ANKRD55: variants seen among roughly 807,000 people sequenced by gnomAD.
ANKRD55 encodes the protein ankyrin repeat domain 55.
In ANKRD55, 41 loss-of-function variants were observed where a neutral mutation model predicts 60.6. The observed-to-expected ratio is 0.68, with a 90% CI of 0.53 to 0.88. ANKRD55 has a LOEUF of 0.88. Among genes scored for constraint, ANKRD55 ranks in the 40% least tolerant of loss-of-function variants. The pLI is 0.00. For synonymous variants in ANKRD55, 264 were observed against 290.3 expected, an observed-to-expected ratio of 0.91 and a Z score of 0.92; for missense variants, 732 against 767.6, an observed-to-expected ratio of 0.95 and a Z score of 0.55.
At chr5:56,166,153 TCTTCTTTCCTTCCTTC>T (rs1280687909) in intron 5 of ANKRD55, among the ~76,000 whole-genome samples, 1 of 49,504 alleles carries the variant, frequency 2.0e-5, no homozygotes, top group Non-Finnish European at 4.1e-5. Context: ...TTTCTTTCTT[TCTTCTTTCCTTCCTTC>T]CTTCCTTCCT....
At position 56,099,772 on chromosome 5, in the gene ANKRD55, G is replaced by GTT. The variant is rs572374829; in HGVS notation, c.*409_*410dup. On this transcript the variant is annotated 3_prime_UTR_variant, in exon 12 of 12. Transcript: ENST00000341048. Reference sequence around the variant, plus strand: ...TGAAGACATGTTTGTCTGGGATGTGGTTTTTTTTTTGTTTTGTTTTTTGCT... The same window carrying GTT: ...TGAAGACATGTTTGTCTGGGATGTGGTTTTTTTTTTTTGTTTTGTTTTTTGCT... 6 of 152,396 alleles carry GTT rather than the reference G, an allele frequency of 3.9e-5. No individual in the cohort carries two copies. The highest frequency in any genetic ancestry group is 1.0e-4 in the African/African-American group (4 of 40,158). 9.4% of individuals were successfully genotyped at this position (152,396 alleles called of 1,614,324 possible).
chr5:56,218,384 G>A (rs906640837), intron 2 of ANKRD55, among the ~76,000 whole-genome samples: 2 of 151,944 alleles, frequency 1.3e-5, no homozygotes, highest in Non-Finnish European at 2.9e-5. Context: ...CTTTATTTTT[G>A]TCTTATTTTA....
rs201953656 is a variant in ANKRD55 at position 56,170,833 on chromosome 5, A to G, written c.313-30T>C. ...AATACAAGAGCAACCACATCATTATATAACAGAAGCTCACGTAACATGGTC... is the reference window on the plus strand; with the variant it reads ...AATACAAGAGCAACCACATCATTATGTAACAGAAGCTCACGTAACATGGTC... On this transcript the variant is annotated intron_variant, in intron 4 of 11. Coordinates refer to ENST00000341048, the MANE Select transcript of ANKRD55 (RefSeq NM_024669.3). 830 of 1,592,572 alleles carry G rather than the reference A, an allele frequency of 5.2e-4. 3 individuals carry two copies. Among genetic ancestry groups the G allele is most frequent in the South Asian group, 2.1e-3 (192 of 90,476 alleles).
rs371313931 is a variant in ANKRD55 at position 56,121,618 on chromosome 5, G to A, written c.798-4836C>T. Among the ~76,000 whole-genome samples, 31 of 151,864 alleles carry A rather than the reference G, an allele frequency of 2.0e-4. No individual in the cohort carries two copies. The East Asian group carries it at 2.9e-3, about 14-fold the overall frequency. ...GATCTCCTGACCTCGTGATCCACCC[G>A]CCTGGGCCTCCCAAAGTGCTGGGAT... On this transcript the variant is annotated intron_variant, in intron 8 of 11. Coordinates refer to ENST00000341048, the MANE Select transcript of ANKRD55 (RefSeq NM_024669.3).
chr5:56,184,617 G>T (rs543649285), intron 2 of ANKRD55, among the ~76,000 whole-genome samples: 33 of 152,290 alleles, frequency 2.2e-4, no homozygotes, highest in Admixed American at 1.1e-3. Context: ...GCAACATCAG[G>T]CCAGGCATGA....
chr5:56,170,161 C>CTCCT (rs1418258647), intron 5 of ANKRD55, among the ~76,000 whole-genome samples: 1 of 152,206 alleles, frequency 6.6e-6, no homozygotes, highest in African/African-American at 2.4e-5. Context: ...TAGAGGCTGG[C>CTCCT]ATGGCCCTGG....
At chr5:56,223,147 A>C (rs160005) in intron 2 of ANKRD55, among the ~76,000 whole-genome samples, 54,148 of 151,748 alleles carry the variant, frequency 0.36, 10,722 homozygotes, top group East Asian at 0.84. Flanking sequence ...AAACCAATAG[A>C]TGATCTCTTG....
chr5:56,225,421 T>C lies in ANKRD55; in HGVS notation c.58+7435A>G, dbSNP rs372310202. Among the ~76,000 whole-genome samples the C allele has an allele frequency of 9.5e-4, 144 of 152,226 alleles. 3 individuals are homozygous for C. In the Middle Eastern group the frequency reaches 0.027, roughly 29 times the overall value. ...TGGAAGCATTCCCTTTGAAAACTGT[T>C]ACAAGACAGGGATGCCCTCTCTCAC... On this transcript the variant is annotated intron_variant, in intron 2 of 11. Coordinates refer to ENST00000341048, the MANE Select transcript of ANKRD55 (RefSeq NM_024669.3).
At chr5:56,170,538 A>G (rs1177497984) in intron 5 of ANKRD55, among the ~76,000 whole-genome samples, 156 bp downstream of exon 5, 1 of 151,538 alleles carries the variant, frequency 6.6e-6, no homozygotes. Context: ...TTATTCTAGA[A>G]TATTTTGTTG....
At chr5:56,161,970 G>C (rs959256933) in intron 5 of ANKRD55, 8 of 985,210 alleles carry the variant, frequency 8.1e-6, no homozygotes, top group African/African-American at 1.7e-5. Context: ...GTGAGTGGGG[G>C]CAGGGCTTAC....
chr5:56,160,046 C>G (rs1277689580), intron 5 of ANKRD55, among the ~76,000 whole-genome samples, 153 bp from the exon 6 acceptor site: 1 of 152,132 alleles, frequency 6.6e-6, no homozygotes, highest in Non-Finnish European at 1.5e-5. Flanking sequence ...AAAAGATCCA[C>G]AGAAAAGAAG....
intron 10 of ANKRD55, among the ~76,000 whole-genome samples, chr5:56,107,452 C>A (rs965167631): frequency 6.6e-6 from 1 of 152,064 alleles, no homozygotes; most frequent in African/African-American, 2.4e-5. Context: ...CTTTTTATTT[C>A]AAATAAGATG....
intron 7 of ANKRD55, chr5:56,137,368 G>C (rs906779706): frequency 8.1e-7 from 1 of 1,238,486 alleles, no homozygotes; most frequent in Non-Finnish European, 1.2e-6. Flanking sequence ...TGGACCTACA[G>C]AGCTCATGGT....
chr5:56,127,062 C>G lies in ANKRD55; in HGVS notation c.657G>C (p.Gln219His). Reference sequence around the variant, plus strand: ...CATCATAGTTGATTATGGACGGCCCCTGGTGATGGCTCAGAATGATGGAGC... The same window carrying G: ...CATCATAGTTGATTATGGACGGCCCGTGGTGATGGCTCAGAATGATGGAGC... ...ILCSIILSHH[Q>H]GPSIINYDDE... The change falls in exon 8 of 12, where the codon CAG becomes CAC. Residue 219 changes from glutamine (Q) to histidine (H), a missense_variant. This residue lies in a region of ANKRD55 where 597 missense variants were observed against 607.5 expected (regional missense o/e 0.98). Coordinates refer to ENST00000341048, the MANE Select transcript of ANKRD55 (RefSeq NM_024669.3). 1 of 1,613,562 alleles carries G rather than the reference C, an allele frequency of 6.2e-7. No individual in the cohort carries two copies. The highest frequency in any genetic ancestry group is 1.3e-5 in the African/African-American group (1 of 74,998).
At chr5:56,137,239 C>A (rs28587993) in intron 7 of ANKRD55, 1 of 1,606,922 alleles carries the variant, frequency 6.2e-7, no homozygotes, top group Non-Finnish European at 8.5e-7. Flanking sequence ...AAAAAGAGTG[C>A]TGAATTTTTG....
rs34289990 is a variant in ANKRD55 at position 56,132,424 on chromosome 5, C to CAAA, written c.613-5321_613-5319dup. ...TGAAACCCTGTCTCTACTTAAAATA[C>CAAA]AAAAAAAAAAAAAAAAATTAGCTGG... On this transcript the variant is annotated intron_variant, in intron 7 of 11. Coordinates refer to ENST00000341048, the MANE Select transcript of ANKRD55 (RefSeq NM_024669.3). 5.7e-3 allele frequency among the ~76,000 whole-genome samples: 687 copies of CAAA among 120,348 alleles called. 25 individuals carry two copies. Among genetic ancestry groups the CAAA allele is most frequent in the African/African-American group, 0.018 (495 of 27,518 alleles). 79.0% of individuals were successfully genotyped at this position (120,348 alleles called of 152,430 possible).
At position 56,193,219 on chromosome 5, in the gene ANKRD55, T is replaced by C. The variant is rs1480721162; in HGVS notation, c.59-9585A>G. 13 of 944,692 alleles carry C rather than the reference T, an allele frequency of 1.4e-5. 1 individual carries two copies. The highest frequency in any genetic ancestry group is 3.6e-4 in the Middle Eastern group (1 of 2,752). 58.5% of individuals were successfully genotyped at this position (944,692 alleles called of 1,614,324 possible). ...GCAAAGAAAGCCTTGAAAAGATTTC[T>C]TGATGCATTTAAAACAGACAAGTGT... On this transcript the variant is annotated intron_variant, in intron 2 of 11. Transcript: ENST00000341048.
chr5:56,164,733 G>A (rs1580994466), intron 5 of ANKRD55, among the ~76,000 whole-genome samples: 2 of 152,158 alleles, frequency 1.3e-5, no homozygotes, highest in African/African-American at 4.8e-5. Context: ...CCCAGCCAAG[G>A]AAGCAAGAAA....
rs190943440 is a variant in ANKRD55, at chr5:56,196,450, T to C, written c.59-12816A>G. Reference sequence around the variant, plus strand: ...CTGTGTGCTAACTATTGTGCTTAGATAATCTGTGTATAATAGTGTTAATGC... The same window carrying C: ...CTGTGTGCTAACTATTGTGCTTAGACAATCTGTGTATAATAGTGTTAATGC... On this transcript the variant is annotated intron_variant, in intron 2 of 11. Transcript: ENST00000341048. 6.6e-5 allele frequency among the ~76,000 whole-genome samples: 10 copies of C among 152,316 alleles called. No individual in the cohort carries two copies. In the South Asian group the frequency reaches 1.7e-3, roughly 25 times the overall value.
Sources: gnomAD v4.1 joint callset for allele counts (sites outside exome capture counted in the v4.1 genomes callset) on GRCh38, gnomAD v4.1.1 for gene constraint, gnomAD v4.1.1 regional missense constraint, MANE v1.5 for transcripts, NCBI Gene and HGNC (gene_info 2026-07-23, HGNC 2026-07-21) for gene names.